NID2: variants seen among roughly 807,000 people sequenced by gnomAD.
NID2 encodes the protein nidogen 2.
In NID2, 83 loss-of-function variants were observed where a neutral mutation model predicts 145.4. The ratio of observed to expected loss-of-function variants is 0.57; its 90% CI spans 0.48 to 0.69. NID2 has a LOEUF of 0.69. Among genes scored for constraint, NID2 ranks in the 30% least tolerant of loss-of-function variants. The pLI is 0.00. For missense variants in NID2, 1,807 were observed against 1,765.7 expected (o/e 1.02, Z -0.42); for synonymous variants, 739 against 701.3 (o/e 1.05, Z -0.85).
chr14:52,005,649 G>A, intron 21 of NID2, 88 bp downstream of exon 21: 2 of 1,362,054 alleles, frequency 1.5e-6, no homozygotes, highest in South Asian at 1.2e-5. Flanking sequence ...TGGTGGCAGT[G>A]TCACAGGCAG....
chr14:52,036,580 ATT>A (rs1204605809), intron 9 of NID2, among the ~76,000 whole-genome samples: 1 of 152,190 alleles, frequency 6.6e-6, no homozygotes, highest in Non-Finnish European at 1.5e-5. Flanking sequence ...AGAAACCACT[ATT>A]TTGTTTTTCA....
At position 52,067,969 on chromosome 14, in the gene NID2, G is replaced by A. The variant is rs772701571; in HGVS notation, c.423C>T (p.Arg141=). 10 of 1,611,114 alleles carry A rather than the reference G, an allele frequency of 6.2e-6. No homozygotes were observed. The South Asian group carries it at 8.8e-5, about 14-fold the overall frequency. ...AGCGCGCAGAGCGCGGGAAGCCAGC[G>A]CGCACATAGCGGGCGGCCAGGCCCA... ...AVLGLAARYV[R]AGFPRSARFT... The change falls in exon 2 of 22, where the codon CGC becomes CGT. Residue 141 remains arginine, a synonymous_variant. Transcript: ENST00000216286.
rs756804602 is a variant in NID2 at position 52,014,401 on chromosome 14, G to A, written c.3306C>T (p.Thr1102=). 7 of 1,614,090 alleles carry A rather than the reference G, an allele frequency of 4.3e-6. No homozygotes were observed. The highest frequency in any genetic ancestry group is 3.3e-5 in the South Asian group (3 of 91,090). ...GCAGGAAGGTGCCCACAGATGGAGG[G>A]GTCACATCTGGCCGGGGCGTGGGCC... is the stretch of plus-strand genomic sequence containing the variant. ...MVRPTPRPDV[T]PPSVGTFLLY... Residue 1102 remains threonine (T), a synonymous_variant, in exon 16 of 22, where the codon ACC becomes ACT. Transcript: ENST00000216286.
rs1892255963 is a variant in NID2, at chr14:52,040,845, G to T, written c.1832C>A (p.Ala611Asp). The T allele has an allele frequency of 6.2e-7, 1 of 1,614,014 alleles. No individual in the cohort carries two copies. Among genetic ancestry groups the T allele is most frequent in the Non-Finnish European group, 8.5e-7 (1 of 1,179,998 alleles). The change falls in exon 8 of 22, where the codon GCC (alanine) becomes GAC (aspartate). Residue 611 changes from alanine to aspartate, a missense_variant. By Grantham distance (126) the Ala-to-Asp change is moderately radical. Transcript: ENST00000216286. Reference sequence around the variant, plus strand: ...TGTAACTTCCATGTCATGGGTAAAGGCAGCACCTGGAGATGAAAAACATTC... The same window carrying T: ...TGTAACTTCCATGTCATGGGTAAAGTCAGCACCTGGAGATGAAAAACATTC... ...SENGFSLAGAAFTHDMEVTFY... is the reference protein window; with the variant it reads ...SENGFSLAGADFTHDMEVTFY...
Position 52,042,083 on chromosome 14 carries a change from C to A in NID2, c.1825+22G>T, listed in dbSNP as rs777013559. 19 of 1,561,194 alleles carry A rather than the reference C, an allele frequency of 1.2e-5. No individual in the cohort carries two copies. In the Admixed American group the frequency reaches 2.7e-4, roughly 23 times the overall value. On this transcript the variant is annotated intron_variant, in intron 7 of 21. Coordinates refer to ENST00000216286, the MANE Select transcript of NID2 (RefSeq NM_007361.4). ...CTGCCAAAGCAATGCTGACTACCGG[C>A]CTTCTCAGAGGCCCTACTCACCTGC...
chr14:52,014,971 C>G (rs1436187240), intron 15 of NID2, 83 bp downstream of exon 15: 2 of 1,127,496 alleles, frequency 1.8e-6, no homozygotes, highest in Non-Finnish European at 1.3e-6. Context: ...CCCCACATGT[C>G]CCCCCACTTC....
chr14:52,041,200 A>C (rs1892268274), intron 7 of NID2, among the ~76,000 whole-genome samples: 1 of 152,132 alleles, frequency 6.6e-6, no homozygotes, highest in African/African-American at 2.4e-5. Context: ...AAACAAATAA[A>C]CTACCACCTA....
In NID2 at chr14:52,015,148, C is replaced by G. The variant is rs2140354386; in HGVS notation, c.3156G>C (p.Leu1052=). The change falls in exon 15 of 22, where the codon CTG becomes CTC. Residue 1052 remains leucine, a synonymous_variant. Coordinates refer to ENST00000216286, the MANE Select transcript of NID2 (RefSeq NM_007361.4). ...QCDDLGHFIP[L]QCHGKSDFCW... ...AGAAGTCGCTCTTTCCGTGGCACTGCAGGGGGATGAAGTGGCCCAGGTCAT... is the reference window on the plus strand; with the variant it reads ...AGAAGTCGCTCTTTCCGTGGCACTGGAGGGGGATGAAGTGGCCCAGGTCAT... 1 of 1,614,128 alleles carries G rather than the reference C, an allele frequency of 6.2e-7. No individual in the cohort carries two copies. Among genetic ancestry groups the G allele is most frequent in the East Asian group, 2.2e-5 (1 of 44,844 alleles).
chr14:52,007,671 A>G (rs1183099068), intron 19 of NID2, 139 bp downstream of exon 19: 10 of 787,218 alleles, frequency 1.3e-5, no homozygotes, highest in Non-Finnish European at 4.2e-6. Context: ...ACTAGTACTT[A>G]AATTTACTAG....
chr14:52,063,470 T>C (rs1201831994), intron 2 of NID2, among the ~76,000 whole-genome samples: 1 of 152,208 alleles, frequency 6.6e-6, no homozygotes, highest in Non-Finnish European at 1.5e-5. Context: ...AATGTTGAAG[T>C]GACACTCATC....
chr14:52,022,415 A>G (rs561872353), intron 12 of NID2, among the ~76,000 whole-genome samples: 2 of 152,286 alleles, frequency 1.3e-5, no homozygotes, highest in South Asian at 4.1e-4. Flanking sequence ...CTCTCACACC[A>G]TGATAGAGAC....
At position 52,014,574 on chromosome 14, in the gene NID2, C is replaced by T. The variant is rs77694456; in HGVS notation, c.3251-118G>A. The T allele has an allele frequency of 3.6e-4, 358 of 1,000,646 alleles. 3 individuals are homozygous for T. The highest frequency in any genetic ancestry group is 1.1e-3 in the South Asian group (67 of 59,420). The allele number at this position is 1,000,646 out of a possible 1,614,324, so 62.0% of individuals were successfully genotyped here. ...AAAATATCAAAAGTTCTTCGCCCTA[C>T]GCAGATGTGCTCCAGATGTTCTTCA... On this transcript the variant is annotated intron_variant, in intron 15 of 21. Transcript: ENST00000216286.
intron 17 of NID2, 97 bp downstream of exon 17, chr14:52,011,457 C>T: frequency 6.6e-7 from 1 of 1,506,994 alleles, no homozygotes; most frequent in Non-Finnish European, 9.1e-7. Flanking sequence ...CTTAACCTCC[C>T]CTAATGGAGA....
intron 5 of NID2, among the ~76,000 whole-genome samples, chr14:52,044,461 A>G (rs966106628): frequency 6.6e-6 from 1 of 151,920 alleles, no homozygotes; most frequent in African/African-American, 2.4e-5. Context: ...TAGTAGAGAC[A>G]GGGTTTCACC....
chr14:52,058,735 A>G (rs1185341423), intron 3 of NID2, among the ~76,000 whole-genome samples: 1 of 152,156 alleles, frequency 6.6e-6, no homozygotes. Context: ...CTATTTGTCT[A>G]TCAACCCTAA....
intron 9 of NID2, among the ~76,000 whole-genome samples, chr14:52,030,497 GA>G (rs1431631223): frequency 5.2e-5 from 2 of 38,294 alleles, no homozygotes; most frequent in Non-Finnish European, 1.4e-4. Context: ...AAGAAAGAAA[GA>G]AAGAGAAAGA....
intron 8 of NID2, among the ~76,000 whole-genome samples, 176 bp from the exon 9 acceptor site, chr14:52,039,153 C>A (rs1174261208): frequency 6.6e-6 from 1 of 152,128 alleles, no homozygotes; most frequent in African/African-American, 2.4e-5. Flanking sequence ...GGATGCAAAG[C>A]CACAGTGCTG....
chr14:52,005,578 G>A (rs535425656), intron 21 of NID2, 82 bp from the exon 22 acceptor site: 3 of 1,514,616 alleles, frequency 2.0e-6, no homozygotes, highest in African/African-American at 2.8e-5. Flanking sequence ...TTTGCATTTT[G>A]TGTATAAACT....
intron 12 of NID2, among the ~76,000 whole-genome samples, chr14:52,024,647 G>T (rs545812041): frequency 6.6e-6 from 1 of 152,124 alleles, no homozygotes; most frequent in East Asian, 1.9e-4. Flanking sequence ...TTATTATACA[G>T]CAATAGATAA....
Sources: gnomAD v4.1 joint callset for allele counts (sites outside exome capture counted in the v4.1 genomes callset) on GRCh38, gnomAD v4.1.1 for gene constraint, MANE v1.5 for transcripts, NCBI Gene and HGNC (gene_info 2026-07-23, HGNC 2026-07-21) for gene names.